CAMTA1: variants seen among roughly 807,000 people sequenced by gnomAD.
CAMTA1 encodes calmodulin binding transcription activator 1.
In CAMTA1, 27 loss-of-function variants were observed where a neutral mutation model predicts 170.9. The observed-to-expected ratio is 0.16, with a 90% CI of 0.12 to 0.22. The LOEUF (loss-of-function observed/expected upper bound fraction) is 0.22. Ranked by LOEUF, CAMTA1 falls within the 10% of genes least tolerant of loss-of-function variation. The pLI, the probability that CAMTA1 is intolerant of heterozygous loss-of-function variation, is 1.00. For synonymous variants in CAMTA1, 833 were observed against 891.5 expected (o/e 0.93, Z 1.17); for missense variants, 1,619 against 2,217.2 (o/e 0.73, Z 5.42).
chr1:6,965,708 A>G lies in CAMTA1; in HGVS notation c.235-125596A>G, dbSNP rs922845081. Among the ~76,000 whole-genome samples the G allele has an allele frequency of 1.6e-4, 24 of 152,222 alleles. No homozygotes were observed. Among genetic ancestry groups the G allele is most frequent in the Admixed American group, 4.6e-4 (7 of 15,280 alleles). On this transcript the variant is annotated intron_variant, in intron 3 of 22. Transcript: ENST00000303635. This position sits in a 1 kb window ranked among gnomAD's most constrained non-coding sequence, Gnocchi z 4.1. ...TAAGGGACTTTTTATGGTGGTTTTTATGAGAACATTTTCGCTTTGGGAGTT... is the reference window on the plus strand; with the variant it reads ...TAAGGGACTTTTTATGGTGGTTTTTGTGAGAACATTTTCGCTTTGGGAGTT...
At chr1:6,984,458 A>G (rs940603555) in intron 3 of CAMTA1, among the ~76,000 whole-genome samples, 5 of 152,044 alleles carry the variant, frequency 3.3e-5, no homozygotes, top group Non-Finnish European at 7.4e-5. Context: ...ACAGAAATAC[A>G]AAAATTAGCC....
chr1:7,241,261 C>T (rs2149259839), intron 4 of CAMTA1, among the ~76,000 whole-genome samples: 1 of 152,244 alleles, frequency 6.6e-6, no homozygotes, highest in Admixed American at 6.5e-5. Context: ...ATATTGAAAA[C>T]TACAAAGTCT....
At chr1:7,373,377 A>G (rs892136423) in intron 5 of CAMTA1, among the ~76,000 whole-genome samples, 1 of 152,218 alleles carries the variant, frequency 6.6e-6, no homozygotes, top group African/African-American at 2.4e-5. Context: ...CCCCAGCCCC[A>G]GGGAGCCCCG....
chr1:7,646,571 C>T (rs932145864), intron 7 of CAMTA1, among the ~76,000 whole-genome samples: 3 of 149,484 alleles, frequency 2.0e-5, no homozygotes, highest in Non-Finnish European at 4.4e-5. Context: ...TGGGTGGAGG[C>T]CCTGGTGAGT....
intron 4 of CAMTA1, among the ~76,000 whole-genome samples, chr1:7,193,310 C>G (rs932342981): frequency 8.6e-5 from 13 of 151,522 alleles, no homozygotes; most frequent in Admixed American, 7.9e-4. Context: ...CGAGATTGCA[C>G]CACTGTACTC....
chr1:6,964,852 G>A (rs1438982282), intron 3 of CAMTA1, among the ~76,000 whole-genome samples: 1 of 152,232 alleles, frequency 6.6e-6, no homozygotes, highest in Non-Finnish European at 1.5e-5. Flanking sequence ...ATGGAGAGAC[G>A]AGTCAGCTGA....
chr1:7,617,063 T>C (rs1407152706), intron 6 of CAMTA1, among the ~76,000 whole-genome samples: 1 of 152,160 alleles, frequency 6.6e-6, no homozygotes, highest in Non-Finnish European at 1.5e-5. Flanking sequence ...TTCTGTTCTA[T>C]AAATAGCCCT....
chr1:7,276,293 A>ATTTTTTTTT (rs1372402055), intron 5 of CAMTA1, among the ~76,000 whole-genome samples: 23 of 22,044 alleles, frequency 1.0e-3, no homozygotes, highest in South Asian at 4.7e-3. Context: ...ATATATATAT[A>ATTTTTTTTT]TATATATATA....
At chr1:6,793,869 A>G (rs1427071532) in intron 1 of CAMTA1, among the ~76,000 whole-genome samples, 1 of 152,190 alleles carries the variant, frequency 6.6e-6, no homozygotes, top group Non-Finnish European at 1.5e-5. Context: ...TTGTTTTTTA[A>G]TCCTTTTCTG....
intron 4 of CAMTA1, among the ~76,000 whole-genome samples, chr1:7,101,591 C>T (rs1642709195): frequency 6.6e-6 from 1 of 152,252 alleles, no homozygotes; most frequent in Admixed American, 6.5e-5. Context: ...TCCAACTCTG[C>T]TGCATATCCC....
chr1:7,202,436 T>A (rs1300403634), intron 4 of CAMTA1, among the ~76,000 whole-genome samples: 1 of 152,210 alleles, frequency 6.6e-6, no homozygotes, highest in African/African-American at 2.4e-5. Context: ...CAGCTGGAAT[T>A]CTCACAGAGA....
intron 5 of CAMTA1, among the ~76,000 whole-genome samples, chr1:7,410,959 CTG>C (rs1022224289): frequency 2.7e-5 from 4 of 149,748 alleles, no homozygotes; most frequent in East Asian, 2.0e-4. Context: ...GTGTGTATGT[CTG>C]TGTGTGTATG....
At chr1:7,541,277 T>C (rs2094608234) in intron 6 of CAMTA1, among the ~76,000 whole-genome samples, 1 of 152,246 alleles carries the variant, frequency 6.6e-6, no homozygotes, top group Admixed American at 6.5e-5. Context: ...CTCTCCTGCC[T>C]GGAGAAGGGA....
intron 3 of CAMTA1, among the ~76,000 whole-genome samples, chr1:6,902,857 TG>T (rs1220976307): frequency 1.3e-5 from 2 of 152,254 alleles, no homozygotes; most frequent in Non-Finnish European, 2.9e-5. Flanking sequence ...CAAACATTGC[TG>T]GTTGGTGTAT....
intron 3 of CAMTA1, among the ~76,000 whole-genome samples, chr1:7,036,594 T>C (rs1425759506): frequency 6.6e-6 from 1 of 152,244 alleles, no homozygotes; most frequent in Non-Finnish European, 1.5e-5. Context: ...GAAGTCATGA[T>C]TGGAAACTAG....
chr1:7,265,611 G>A (rs1015772424), intron 5 of CAMTA1, among the ~76,000 whole-genome samples: 1 of 152,130 alleles, frequency 6.6e-6, no homozygotes, highest in African/African-American at 2.4e-5. Context: ...ACTGCACCTG[G>A]CCAAAAAGAA....
chr1:6,814,177 C>T (rs1645514952), intron 1 of CAMTA1, among the ~76,000 whole-genome samples: 1 of 152,114 alleles, frequency 6.6e-6, no homozygotes, highest in African/African-American at 2.4e-5. Flanking sequence ...TCCCGAATGG[C>T]CTTAGGGATT....
At chr1:7,555,789 AC>A (rs2094868239) in intron 6 of CAMTA1, among the ~76,000 whole-genome samples, 1 of 151,326 alleles carries the variant, frequency 6.6e-6, no homozygotes, top group Non-Finnish European at 1.5e-5. Flanking sequence ...GTCACATTCC[AC>A]CCCCAGGTCA....
rs1490266672 is a variant in CAMTA1 at position 7,052,043 on chromosome 1, T to C, written c.235-39261T>C. On this transcript the variant is annotated intron_variant, in intron 3 of 22. Transcript: ENST00000303635. ...CTTTCAAGTGGAGGCTGTGTTCTCCTCTCGGCCTGAGTGTTACTGGGCCTT... is the reference window on the plus strand; with the variant it reads ...CTTTCAAGTGGAGGCTGTGTTCTCCCCTCGGCCTGAGTGTTACTGGGCCTT... Among the ~76,000 whole-genome samples the C allele has an allele frequency of 3.0e-5, 4 of 133,770 alleles. No homozygotes were observed. In the East Asian group the frequency reaches 1.1e-3, roughly 36 times the overall value. 87.8% of individuals were successfully genotyped at this position (133,770 alleles called of 152,430 possible).
Sources: allele counts gnomAD v4.1 joint callset (sites outside exome capture counted in the v4.1 genomes callset), GRCh38; gene constraint gnomAD v4.1.1; non-coding constraint Gnocchi (gnomAD v3.1); transcripts MANE v1.5; gene names NCBI Gene and HGNC (gene_info 2026-07-23, HGNC 2026-07-21).